CWC27: variants seen among roughly 807,000 people sequenced by gnomAD.
The protein encoded by CWC27 is CWC27 spliceosome associated cyclophilin, also known as spliceosome-associated protein CWC27 homolog.
Under a neutral mutation model 63.6 loss-of-function variants are expected in CWC27, and 47 were observed. The ratio of observed to expected loss-of-function variants is 0.74; its 90% CI spans 0.58 to 0.94. The LOEUF (loss-of-function observed/expected upper bound fraction) is 0.94, where lower values mean the gene tolerates loss of function less well. Ranked by LOEUF, CWC27 falls within the 40% of genes least tolerant of loss-of-function variation. The pLI, the probability that CWC27 is intolerant of heterozygous loss-of-function variation, is 0.00. For synonymous variants in CWC27, 175 were observed against 179.8 expected, an observed-to-expected ratio of 0.97 and a Z score of 0.22; for missense variants, 495 against 554.3, an observed-to-expected ratio of 0.89 and a Z score of 1.07.
chr5:64,866,603 CT>C (rs1303177108), intron 10 of CWC27, among the ~76,000 whole-genome samples: 1 of 152,016 alleles, frequency 6.6e-6, no homozygotes, highest in African/African-American at 2.4e-5. Flanking sequence ...GTATGTTGGG[CT>C]GTCATTTCAT....
At chr5:64,816,972 G>T (rs1438380950) in intron 10 of CWC27, among the ~76,000 whole-genome samples, 2 of 152,066 alleles carry the variant, frequency 1.3e-5, no homozygotes, top group African/African-American at 2.4e-5. Flanking sequence ...GAGAGAACTT[G>T]TTCCTTTTCC....
At chr5:64,971,933 A>G in intron 12 of CWC27, 121 bp downstream of exon 12, 1 of 526,670 alleles carries the variant, frequency 1.9e-6, no homozygotes, top group Non-Finnish European at 3.3e-6. Flanking sequence ...AAAATAAAAA[A>G]GAATATATTT....
intron 11 of CWC27, among the ~76,000 whole-genome samples, chr5:64,914,030 C>T (rs1313279512): frequency 1.3e-5 from 2 of 152,066 alleles, no homozygotes; most frequent in African/African-American, 2.4e-5. Flanking sequence ...CAGACCCACA[C>T]ACATAAAAGA....
chr5:64,789,997 C>A (rs917716286), intron 7 of CWC27, among the ~76,000 whole-genome samples: 2 of 152,050 alleles, frequency 1.3e-5, no homozygotes, highest in Admixed American at 1.3e-4. Context: ...TTAGTGAGCA[C>A]GGTTTTGCAG....
intron 13 of CWC27, among the ~76,000 whole-genome samples, chr5:65,012,242 C>CA (rs1749974418): frequency 6.6e-6 from 1 of 152,108 alleles, no homozygotes; most frequent in Non-Finnish European, 1.5e-5. Flanking sequence ...GTTTTGTTAC[C>CA]TCTGAAGACA....
chr5:64,841,371 C>T (rs1216186539), intron 10 of CWC27, among the ~76,000 whole-genome samples: 1 of 152,190 alleles, frequency 6.6e-6, no homozygotes, highest in Non-Finnish European at 1.5e-5. Context: ...GGCCTAATCA[C>T]CTCGTAAAGA....
intron 10 of CWC27, among the ~76,000 whole-genome samples, chr5:64,870,591 A>G (rs1746646374): frequency 6.6e-6 from 1 of 152,074 alleles, no homozygotes; most frequent in Non-Finnish European, 1.5e-5. Flanking sequence ...TTTAGAAATG[A>G]GCACAGAAAG....
chr5:64,826,775 T>C (rs1043371800), intron 10 of CWC27, among the ~76,000 whole-genome samples: 4 of 151,936 alleles, frequency 2.6e-5, no homozygotes, highest in African/African-American at 9.7e-5. Context: ...AGTTTTATCC[T>C]GTATAATACT....
At chr5:64,882,653 G>T (rs1185018225) in intron 10 of CWC27, among the ~76,000 whole-genome samples, 1 of 152,192 alleles carries the variant, frequency 6.6e-6, no homozygotes, top group Non-Finnish European at 1.5e-5. Flanking sequence ...GAGTGCAGTG[G>T]TGCGATCTTG....
intron 6 of CWC27, among the ~76,000 whole-genome samples, chr5:64,786,871 T>C (rs960513355): frequency 6.6e-6 from 1 of 152,158 alleles, no homozygotes; most frequent in Non-Finnish European, 1.5e-5. Flanking sequence ...TTCACACTGC[T>C]ATAAAGATAT....
chr5:64,883,551 A>G (rs1746996380), intron 10 of CWC27, among the ~76,000 whole-genome samples: 1 of 152,296 alleles, frequency 6.6e-6, no homozygotes, highest in Middle Eastern at 3.4e-3. Flanking sequence ...AAAATGGTAT[A>G]TAAGCCTGAC....
At chr5:64,782,410 T>G (rs1323916025) in intron 3 of CWC27, among the ~76,000 whole-genome samples, 2 of 148,096 alleles carry the variant, frequency 1.4e-5, no homozygotes, top group Non-Finnish European at 3.0e-5. Flanking sequence ...ATCGCACCAA[T>G]GCACTCCAGC....
chr5:64,799,025 C>T (rs1041703185), intron 7 of CWC27, among the ~76,000 whole-genome samples: 10 of 152,038 alleles, frequency 6.6e-5, no homozygotes, highest in Admixed American at 4.6e-4. Flanking sequence ...GAAACCAGGC[C>T]GGTATTCTGG....
chr5:64,856,852 T>G (rs1746270366), intron 10 of CWC27, among the ~76,000 whole-genome samples: 2 of 152,152 alleles, frequency 1.3e-5, no homozygotes, highest in African/African-American at 4.8e-5. Context: ...GCATTAAATT[T>G]TACTATTTCG....
intron 11 of CWC27, among the ~76,000 whole-genome samples, chr5:64,902,675 C>T (rs73107225): frequency 0.077 from 11,655 of 152,110 alleles, 1,471 homozygotes; most frequent in African/African-American, 0.26. Context: ...CCACATTTTT[C>T]AAAGTTGTTT....
At chr5:64,960,538 T>A (rs1554027394) in intron 11 of CWC27, among the ~76,000 whole-genome samples, 1 of 151,004 alleles carries the variant, frequency 6.6e-6, no homozygotes, top group Non-Finnish European at 1.5e-5. Context: ...TCTGGTATAT[T>A]AAAAAAAAAT....
At chr5:64,802,113 G>A (rs995273270) in intron 9 of CWC27, among the ~76,000 whole-genome samples, 2 of 152,198 alleles carry the variant, frequency 1.3e-5, no homozygotes, top group Non-Finnish European at 2.9e-5. Flanking sequence ...AGAAAAGAAA[G>A]TGATGAAGGG....
At chr5:64,984,663 T>C (rs1175231162) in intron 13 of CWC27, among the ~76,000 whole-genome samples, 2 of 152,228 alleles carry the variant, frequency 1.3e-5, no homozygotes, top group Non-Finnish European at 2.9e-5. Context: ...TTCTTACTGT[T>C]GAGTTTCAAG....
At chr5:64,992,808 C>A (rs1455367761) in intron 13 of CWC27, among the ~76,000 whole-genome samples, 1 of 151,948 alleles carries the variant, frequency 6.6e-6, no homozygotes, top group Non-Finnish European at 1.5e-5. Context: ...GCTGGGATTA[C>A]AGGCGTGAGC....
Sources: gnomAD v4.1 joint callset for allele counts (sites outside exome capture counted in the v4.1 genomes callset) on GRCh38, gnomAD v4.1.1 for gene constraint, MANE v1.5 for transcripts, NCBI Gene and HGNC (gene_info 2026-07-23, HGNC 2026-07-21) for gene names.